The following KCNAB1 variants were observed in gnomAD, a reference collection of about 807,000 sequenced individuals.
KCNAB1 encodes the protein potassium voltage-gated channel subfamily A regulatory beta subunit 1.
A neutral mutation model predicts 64.6 loss-of-function variants in KCNAB1; 35 were observed. The ratio of observed to expected loss-of-function variants is 0.54; its 90% CI spans 0.41 to 0.72. The LOEUF is 0.72. KCNAB1 is among the 30% of genes least tolerant of loss of function. The pLI, the probability that KCNAB1 is intolerant of heterozygous loss-of-function variation, is 0.00. For synonymous variants in KCNAB1, 177 were observed against 183.8 expected (o/e 0.96, Z 0.30); for missense variants, 401 against 512.9 (o/e 0.78, Z 2.11).
chr3:156,353,200 T>C (rs1207181405), intron 1 of KCNAB1, among the ~76,000 whole-genome samples: 1 of 152,242 alleles, frequency 6.6e-6, no homozygotes, highest in African/African-American at 2.4e-5. Flanking sequence ...CACAGCTTTC[T>C]ATCAAATGAA....
At chr3:156,386,069 C>T (rs568864975) in intron 1 of KCNAB1, among the ~76,000 whole-genome samples, 2 of 152,264 alleles carry the variant, frequency 1.3e-5, no homozygotes, top group East Asian at 3.9e-4. Flanking sequence ...CAATTCTTGC[C>T]TCCTCAGAAG....
intron 1 of KCNAB1, among the ~76,000 whole-genome samples, chr3:156,367,409 C>G (rs1218955601): frequency 6.6e-6 from 1 of 151,880 alleles, no homozygotes; most frequent in African/African-American, 2.4e-5. Context: ...TCTCGATCTC[C>G]TGACTTCATG....
chr3:156,462,990 C>T (rs1713039731), intron 5 of KCNAB1, among the ~76,000 whole-genome samples: 1 of 152,136 alleles, frequency 6.6e-6, no homozygotes, highest in South Asian at 2.1e-4. Context: ...CATTTCATTC[C>T]CCTAGCAGTA....
intron 1 of KCNAB1, among the ~76,000 whole-genome samples, chr3:156,398,491 C>T (rs866317040): frequency 8.0e-5 from 12 of 150,690 alleles, no homozygotes; most frequent in African/African-American, 2.9e-4. Flanking sequence ...ACTCGGGAGG[C>T]TGAGGCAGGA....
At chr3:156,315,366 T>C (rs1722206776) in intron 1 of KCNAB1, among the ~76,000 whole-genome samples, 1 of 152,224 alleles carries the variant, frequency 6.6e-6, no homozygotes, top group African/African-American at 2.4e-5. Flanking sequence ...TGCTAGATGA[T>C]GTGGCATTAG....
At chr3:156,523,429 T>G (rs997850961) in intron 11 of KCNAB1, among the ~76,000 whole-genome samples, 1 of 151,958 alleles carries the variant, frequency 6.6e-6, no homozygotes, top group Non-Finnish European at 1.5e-5. Flanking sequence ...GCTTTCTTAA[T>G]AAAAAGGAGA....
intron 1 of KCNAB1, among the ~76,000 whole-genome samples, chr3:156,242,098 A>G (rs998973872): frequency 2.0e-5 from 3 of 152,242 alleles, no homozygotes; most frequent in African/African-American, 7.2e-5. Flanking sequence ...CTGAAACGTT[A>G]TCGTGAAATC....
rs141877722 is a variant in KCNAB1, at chr3:156,485,564, C to T, written c.658+10744C>T. Among the ~76,000 whole-genome samples, 449 of 151,920 alleles carry T rather than the reference C, an allele frequency of 3.0e-3. 1 individual carries two copies. Among genetic ancestry groups the T allele is most frequent in the African/African-American group, 0.01 (415 of 41,400 alleles). Reference sequence around the variant, plus strand: ...TGGGGGGGGCATGAATCCTGCAGTACATTTAATTGTCATGACTGTTAAATT... The same window carrying T: ...TGGGGGGGGCATGAATCCTGCAGTATATTTAATTGTCATGACTGTTAAATT... On this transcript the variant is annotated intron_variant, in intron 8 of 13. Coordinates refer to ENST00000490337, the MANE Select transcript of KCNAB1 (RefSeq NM_172160.3).
chr3:156,282,801 T>C (rs1480310037), intron 1 of KCNAB1, among the ~76,000 whole-genome samples: 2 of 142,864 alleles, frequency 1.4e-5, no homozygotes, highest in African/African-American at 5.4e-5. Context: ...CTGCCTTTTT[T>C]TGTTTTCCAT....
At chr3:156,241,856 C>T (rs568399107) in intron 1 of KCNAB1, among the ~76,000 whole-genome samples, 1 of 152,036 alleles carries the variant, frequency 6.6e-6, no homozygotes, top group Non-Finnish European at 1.5e-5. Flanking sequence ...TTTTTAAAAA[C>T]CTTGTGTGTC....
chr3:156,294,033 T>TCAAG (rs1720628693), intron 1 of KCNAB1, among the ~76,000 whole-genome samples: 1 of 152,222 alleles, frequency 6.6e-6, no homozygotes. Context: ...GTAAGACCAC[T>TCAAG]AATTTCTTGA....
intron 1 of KCNAB1, among the ~76,000 whole-genome samples, chr3:156,326,116 T>TG (rs1722955436): frequency 6.6e-6 from 1 of 152,188 alleles, no homozygotes; most frequent in African/African-American, 2.4e-5. Flanking sequence ...CCAGCTACTC[T>TG]GGGGGTCTGC....
At chr3:156,509,360 G>A (rs1717030055) in intron 8 of KCNAB1, among the ~76,000 whole-genome samples, 1 of 151,054 alleles carries the variant, frequency 6.6e-6, no homozygotes, top group Non-Finnish European at 1.5e-5. Context: ...ATTTGCATTT[G>A]TAACAAGTTT....
chr3:156,492,814 A>G (rs528372673), intron 8 of KCNAB1, among the ~76,000 whole-genome samples: 29 of 152,302 alleles, frequency 1.9e-4, no homozygotes, highest in African/African-American at 6.5e-4. Flanking sequence ...TAATGTCTCA[A>G]AAGGCTGAAC....
chr3:156,236,019 CAA>C (rs1433805810), intron 1 of KCNAB1, among the ~76,000 whole-genome samples: 1 of 152,152 alleles, frequency 6.6e-6, no homozygotes, highest in Non-Finnish European at 1.5e-5. Context: ...AGTGCAGATT[CAA>C]AGACTTCATC....
chr3:156,320,681 G>T (rs3772231), intron 1 of KCNAB1, among the ~76,000 whole-genome samples: 1 of 151,932 alleles, frequency 6.6e-6, no homozygotes, highest in Non-Finnish European at 1.5e-5. Flanking sequence ...GCTCTTGCTC[G>T]TCCCTCTGTC....
chr3:156,521,194 G>A (rs1351529062), intron 11 of KCNAB1, among the ~76,000 whole-genome samples: 1 of 152,214 alleles, frequency 6.6e-6, no homozygotes, highest in African/African-American at 2.4e-5. Flanking sequence ...TGAGGACACA[G>A]GGATGAATGG....
At chr3:156,241,519 C>A (rs1450128512) in intron 1 of KCNAB1, among the ~76,000 whole-genome samples, 1 of 152,150 alleles carries the variant, frequency 6.6e-6, no homozygotes, top group East Asian at 1.9e-4. Flanking sequence ...GTTTCCTGGT[C>A]TGAGTGTTTC....
At chr3:156,223,230 A>G (rs2108418867) in intron 1 of KCNAB1, among the ~76,000 whole-genome samples, 1 of 152,284 alleles carries the variant, frequency 6.6e-6, no homozygotes. Context: ...GGCAGTGTGG[A>G]CCCAAAGAGA....
Sources: allele counts gnomAD v4.1 joint callset (sites outside exome capture counted in the v4.1 genomes callset), GRCh38; gene constraint gnomAD v4.1.1; transcripts MANE v1.5; gene names NCBI Gene and HGNC (gene_info 2026-07-23, HGNC 2026-07-21).